SCAND3: variants seen among roughly 807,000 people sequenced by gnomAD.
SCAND3 encodes SCAN domain-containing protein 3.
At chr6:28,603,461 T>G in the SCAND3 span, among the ~76,000 whole-genome samples, 1 of 152,214 alleles carries the variant, frequency 6.6e-6, no homozygotes, top group Non-Finnish European at 1.5e-5. Context: ...TCTGGCTGAT[T>G]TGAGACATCC....
the SCAND3 span, chr6:28,575,371 T>C: frequency 3.1e-6 from 5 of 1,613,940 alleles, no homozygotes; most frequent in Admixed American, 1.7e-5. The surrounding 1 kb of genome is among the most constrained non-coding windows in gnomAD (Gnocchi z 4.2). Context: ...ACTGACAACC[T>C]GGCTTGAAAA....
At chr6:28,574,679 C>T in the SCAND3 span, 1 of 1,613,970 alleles carries the variant, frequency 6.2e-7, no homozygotes, top group Non-Finnish European at 8.5e-7. Flanking sequence ...AATGGTGTCC[C>T]TGATGGCTTT....
the SCAND3 span, chr6:28,589,643 T>C: frequency 1.3e-5 from 2 of 152,080 alleles, no homozygotes; most frequent in Non-Finnish European, 2.9e-5. Context: ...GCGTATCAAA[T>C]TCACGGGTTT....
the SCAND3 span, among the ~76,000 whole-genome samples, chr6:28,577,757 C>T: frequency 6.6e-6 from 1 of 152,110 alleles, no homozygotes; most frequent in African/African-American, 2.4e-5. Context: ...AAGTCACACC[C>T]GCAAGCCAGA....
chr6:28,594,511 TG>T, the SCAND3 span, among the ~76,000 whole-genome samples: 1 of 152,184 alleles, frequency 6.6e-6, no homozygotes, highest in Admixed American at 6.5e-5. Context: ...AAAAATTAAC[TG>T]GGCATGATGG....
At chr6:28,589,314 T>C in the SCAND3 span, 1 of 152,180 alleles carries the variant, frequency 6.6e-6, no homozygotes, top group Non-Finnish European at 1.5e-5. Context: ...GGATCGGAAC[T>C]AGAAAGTTTA....
chr6:28,580,792 C>A, the SCAND3 span, among the ~76,000 whole-genome samples: 1 of 113,706 alleles, frequency 8.8e-6, no homozygotes, highest in East Asian at 3.3e-4. Flanking sequence ...TGACTCTCCC[C>A]CACCCCCCCA....
At chr6:28,571,891 C>T in the SCAND3 span, 6 of 1,605,948 alleles carry the variant, frequency 3.7e-6, no homozygotes, top group Non-Finnish European at 4.2e-6. Flanking sequence ...CAATACCTTA[C>T]ATATCAATAT....
At chr6:28,592,914 CAA>C in the SCAND3 span, among the ~76,000 whole-genome samples, 2 of 151,090 alleles carry the variant, frequency 1.3e-5, no homozygotes, top group African/African-American at 2.4e-5. This position sits in a 1 kb window ranked among gnomAD's most constrained non-coding sequence, Gnocchi z 4.1. Flanking sequence ...AAAATCAACT[CAA>C]AATGGATTAA....
At chr6:28,586,295 C>T in the SCAND3 span, 15 of 1,584,398 alleles carry the variant, frequency 9.5e-6, no homozygotes, top group Non-Finnish European at 1.2e-5. The surrounding 1 kb of genome is among the most constrained non-coding windows in gnomAD (Gnocchi z 4.4). Flanking sequence ...TCCAATTTCT[C>T]ACCTGCTGTC....
the SCAND3 span, among the ~76,000 whole-genome samples, chr6:28,599,775 A>G: frequency 6.6e-6 from 1 of 152,224 alleles, no homozygotes; most frequent in Non-Finnish European, 1.5e-5. Context: ...AGACTAATAC[A>G]GTTGTCAAAA....
At chr6:28,608,764 T>A in the SCAND3 span, among the ~76,000 whole-genome samples, 4 of 152,146 alleles carry the variant, frequency 2.6e-5, no homozygotes, top group African/African-American at 9.7e-5. Context: ...TTTGAAAAGC[T>A]GAGGCAGGAG....
At chr6:28,598,108 G>A in the SCAND3 span, 1 of 152,188 alleles carries the variant, frequency 6.6e-6, no homozygotes, top group African/African-American at 2.4e-5. Context: ...CACTTACAGG[G>A]TCGGGTGGGG....
the SCAND3 span, among the ~76,000 whole-genome samples, chr6:28,608,568 C>T: frequency 6.6e-6 from 1 of 152,152 alleles, no homozygotes; most frequent in Non-Finnish European, 1.5e-5. Flanking sequence ...GATTTGCCTA[C>T]GCCAGAGCTA....
the SCAND3 span, chr6:28,572,287 A>G: frequency 6.2e-7 from 1 of 1,608,162 alleles, no homozygotes; most frequent in African/African-American, 1.3e-5. The surrounding 1 kb of genome is among the most constrained non-coding windows in gnomAD (Gnocchi z 4.1). Flanking sequence ...CAAATTTCCT[A>G]TGCGTGGATC....
At chr6:28,615,327 G>C in the SCAND3 span, among the ~76,000 whole-genome samples, 2 of 152,082 alleles carry the variant, frequency 1.3e-5, no homozygotes, top group Non-Finnish European at 2.9e-5. Flanking sequence ...AGAAAGACTA[G>C]ACATTTCCGG....
chr6:28,608,414 C>T, the SCAND3 span, among the ~76,000 whole-genome samples: 1 of 152,080 alleles, frequency 6.6e-6, no homozygotes, highest in African/African-American at 2.4e-5. Context: ...ACTTTGGGTA[C>T]CCTACGGGTG....
the SCAND3 span, chr6:28,591,026 T>TGG: frequency 3.9e-5 from 6 of 152,246 alleles, no homozygotes; most frequent in African/African-American, 1.2e-4. Flanking sequence ...TCTGCCTGTT[T>TGG]GGGATGCTTA....
At chr6:28,579,369 A>C in the SCAND3 span, 1 of 1,614,050 alleles carries the variant, frequency 6.2e-7, no homozygotes, top group Non-Finnish European at 8.5e-7. This position sits in a 1 kb window ranked among gnomAD's most constrained non-coding sequence, Gnocchi z 4.5. Flanking sequence ...CAGAATCCAG[A>C]GGGATCATTT....
Sources: allele counts gnomAD v4.1 joint callset (sites outside exome capture counted in the v4.1 genomes callset), GRCh38; gene constraint gnomAD v4.1.1; non-coding constraint Gnocchi (gnomAD v3.1); transcripts MANE v1.5; gene names NCBI Gene and HGNC (gene_info 2026-07-23, HGNC 2026-07-21).